The following KCNH8 variants were observed in gnomAD, a reference collection of about 807,000 sequenced individuals.
The protein encoded by KCNH8 is voltage-gated delayed rectifier potassium channel KCNH8.
In KCNH8, 70 loss-of-function variants were observed where a neutral mutation model predicts 103.6. The observed-to-expected ratio is 0.68, with a 90% CI of 0.56 to 0.82. The LOEUF (loss-of-function observed/expected upper bound fraction) is 0.82. Ranked by LOEUF, KCNH8 falls within the 40% of genes least tolerant of loss-of-function variation. The pLI is 0.00. For missense variants in KCNH8, 1,217 were observed against 1,329.9 expected (o/e 0.92, Z 1.32); for synonymous variants, 498 against 489.4 (o/e 1.02, Z -0.23).
intron 9 of KCNH8, 170 bp downstream of exon 9, chr3:19,450,475 G>T: frequency 3.2e-6 from 2 of 627,626 alleles, no homozygotes; most frequent in South Asian, 3.9e-5. Context: ...GCTTTGGCTT[G>T]TGTTTTCACA....
chr3:19,524,338 C>T (rs183241866), intron 15 of KCNH8, among the ~76,000 whole-genome samples: 58 of 151,888 alleles, frequency 3.8e-4, no homozygotes, highest in African/African-American at 1.1e-3. Flanking sequence ...TGACCTAGAA[C>T]GACAAAATTC....
At position 19,283,030 on chromosome 3, in the gene KCNH8, A is replaced by C. The variant is rs141929358; in HGVS notation, c.442+1701A>C. Among the ~76,000 whole-genome samples the C allele has an allele frequency of 3.8e-3, 577 of 152,298 alleles. 7 individuals are homozygous for C. Among genetic ancestry groups the C allele is most frequent in the African/African-American group, 0.012 (518 of 41,572 alleles). ...AACTTAATGTCTGGAGAACCAGAGC[A>C]GAACAGTTGCTCCCTAAAGAGAGAG... On this transcript the variant is annotated intron_variant, in intron 3 of 15. Coordinates refer to ENST00000328405, the MANE Select transcript of KCNH8 (RefSeq NM_144633.3).
chr3:19,381,249 T>C (rs1173690790), intron 5 of KCNH8, among the ~76,000 whole-genome samples: 1 of 151,992 alleles, frequency 6.6e-6, no homozygotes, highest in African/African-American at 2.4e-5. Context: ...TATATGATCA[T>C]GAACACCTGA....
At chr3:19,336,483 T>C (rs2065587131) in intron 3 of KCNH8, among the ~76,000 whole-genome samples, 1 of 151,882 alleles carries the variant, frequency 6.6e-6, no homozygotes, top group Non-Finnish European at 1.5e-5. Flanking sequence ...GAGAAATTCT[T>C]TCTTTGGTAG....
chr3:19,443,424 A>G (rs541057738), intron 8 of KCNH8, among the ~76,000 whole-genome samples: 5 of 150,680 alleles, frequency 3.3e-5, no homozygotes, highest in African/African-American at 1.2e-4. Context: ...ATATATACAC[A>G]TATGTGTGTG....
rs952166394 is a variant in KCNH8, at chr3:19,358,133, T to C, written c.811+10168T>C. On this transcript the variant is annotated intron_variant, in intron 5 of 15. Coordinates refer to ENST00000328405, the MANE Select transcript of KCNH8 (RefSeq NM_144633.3). ...CAATATCTGGCTTACTAGAAAAAAATACTGGCCGGCCTTCCTTCCTTCCTT... is the reference window on the plus strand; with the variant it reads ...CAATATCTGGCTTACTAGAAAAAAACACTGGCCGGCCTTCCTTCCTTCCTT... 1.3e-4 allele frequency among the ~76,000 whole-genome samples: 19 copies of C among 151,668 alleles called. 1 individual carries two copies. Among genetic ancestry groups the C allele is most frequent in the Non-Finnish European group, 7.4e-5 (5 of 67,844 alleles).
intron 7 of KCNH8, among the ~76,000 whole-genome samples, chr3:19,430,276 T>C (rs1284181684): frequency 6.6e-6 from 1 of 152,166 alleles, no homozygotes; most frequent in Non-Finnish European, 1.5e-5. Flanking sequence ...TAGATAGTTG[T>C]AGGTGTGTGG....
chr3:19,330,827 G>T (rs544795453), intron 3 of KCNH8, among the ~76,000 whole-genome samples: 1 of 152,038 alleles, frequency 6.6e-6, no homozygotes, highest in Non-Finnish European at 1.5e-5. Flanking sequence ...AAATTTAGAG[G>T]ATCACCTATA....
chr3:19,336,820 G>GT (rs964862236), intron 3 of KCNH8, among the ~76,000 whole-genome samples: 9 of 151,812 alleles, frequency 5.9e-5, no homozygotes, highest in African/African-American at 1.7e-4. Context: ...CAAGTGCTCT[G>GT]TTTTTTTAAA....
chr3:19,148,678 C>A lies in KCNH8; in HGVS notation c.-42C>A. The A allele has an allele frequency of 6.3e-7, 1 of 1,592,768 alleles. No individual in the cohort carries two copies. Among genetic ancestry groups the A allele is most frequent in the Non-Finnish European group, 8.6e-7 (1 of 1,160,274 alleles). On this transcript the variant is annotated 5_prime_UTR_variant, in exon 1 of 16. The change creates a new upstream start codon in the 5' untranslated region. Transcript: ENST00000328405. ...GGCACTTTCCTTTCGAACCATCCTT[C>A]TGGACAAACTTTGATGGAGAATTTC...
intron 7 of KCNH8, among the ~76,000 whole-genome samples, chr3:19,424,544 G>T (rs926096227): frequency 7.2e-5 from 11 of 152,068 alleles, no homozygotes; most frequent in Non-Finnish European, 1.2e-4. Flanking sequence ...TCTAGACATT[G>T]GCTTAGGCAA....
rs2068905941 is a variant in KCNH8, at chr3:19,518,060, A to G, written c.2605A>G (p.Lys869Glu). 1.9e-6 allele frequency: 3 copies of G among 1,611,928 alleles called. No individual in the cohort carries two copies. Among genetic ancestry groups the G allele is most frequent in the Non-Finnish European group, 2.5e-6 (3 of 1,178,508 alleles). The change falls in exon 15 of 16, where the codon AAA becomes GAA. Residue 869 changes from lysine to glutamate, a missense_variant. Lys to Glu is a moderately conservative substitution (Grantham distance 56, BLOSUM62 1). Coordinates refer to ENST00000328405, the MANE Select transcript of KCNH8 (RefSeq NM_144633.3). ...KAEETKQQIN[K>E]LNSEVTTLTQ... Reference sequence around the variant, plus strand: ...AGAGGAGACCAAGCAGCAGATAAACAAACTCAACAGTGAGGTATGGAGCTC... The same window carrying G: ...AGAGGAGACCAAGCAGCAGATAAACGAACTCAACAGTGAGGTATGGAGCTC...
chr3:19,467,331 G>C (rs570064943), intron 11 of KCNH8, among the ~76,000 whole-genome samples: 2 of 149,456 alleles, frequency 1.3e-5, no homozygotes, highest in African/African-American at 4.9e-5. Flanking sequence ...ACACACATGT[G>C]CACACACACA....
chr3:19,345,546 G>A (rs1652033422), intron 4 of KCNH8, among the ~76,000 whole-genome samples: 1 of 151,950 alleles, frequency 6.6e-6, no homozygotes, highest in African/African-American at 2.4e-5. Flanking sequence ...GTCTAGACTA[G>A]GCAAACTCCA....
chr3:19,375,789 G>T (rs1360978650), intron 5 of KCNH8, among the ~76,000 whole-genome samples: 2 of 151,840 alleles, frequency 1.3e-5, no homozygotes, highest in African/African-American at 4.8e-5. Context: ...TTTTTGGTGT[G>T]GATGTCCTTT....
intron 2 of KCNH8, among the ~76,000 whole-genome samples, chr3:19,280,019 A>G (rs963828125): frequency 1.3e-5 from 2 of 152,164 alleles, no homozygotes; most frequent in African/African-American, 4.8e-5. Context: ...ATTATGTATG[A>G]ATAGATTAAT....
chr3:19,221,572 T>G (rs1172121079), intron 1 of KCNH8, among the ~76,000 whole-genome samples: 1 of 152,242 alleles, frequency 6.6e-6, no homozygotes, highest in Middle Eastern at 3.2e-3. Context: ...TTTGTTTTTT[T>G]TTCTTACAGA....
intron 7 of KCNH8, among the ~76,000 whole-genome samples, chr3:19,397,547 A>G (rs1365232690): frequency 2.5e-4 from 38 of 150,812 alleles, no homozygotes; most frequent in East Asian, 7.9e-4. Context: ...ACATATATAT[A>G]TATGTGTGTA....
chr3:19,513,492 G>T (rs1461606147), intron 13 of KCNH8, among the ~76,000 whole-genome samples, 167 bp downstream of exon 13: 1 of 152,190 alleles, frequency 6.6e-6, no homozygotes, highest in East Asian at 1.9e-4. Context: ...GTGCAAGTGT[G>T]TGTGTGCATG....
Sources: gnomAD v4.1 joint callset for allele counts (sites outside exome capture counted in the v4.1 genomes callset) on GRCh38, gnomAD v4.1.1 for gene constraint, MANE v1.5 for transcripts, NCBI Gene and HGNC (gene_info 2026-07-23, HGNC 2026-07-21) for gene names.